The following PLBD1 variants were observed in gnomAD, a reference collection of about 807,000 sequenced individuals.
PLBD1 encodes the protein phospholipase B domain containing 1, also known as lysosomal leucine aminopeptidase.
Under a neutral mutation model 63.0 loss-of-function variants are expected in PLBD1, and 60 were observed. The observed-to-expected ratio is 0.95, with a 90% CI of 0.77 to 1.18. The LOEUF is 1.18. Ranked by LOEUF, PLBD1 falls within the 50% of genes most tolerant of loss-of-function variation. The probability of loss-of-function intolerance (pLI) is 0.00; values close to 1 mark genes in which losing one functional copy is unlikely to be tolerated. For synonymous variants in PLBD1, 262 were observed against 248.0 expected (o/e 1.06, Z -0.53); for missense variants, 598 against 677.9 (o/e 0.88, Z 1.31).
chr12:14,543,517 G>T (rs970453150), intron 2 of PLBD1, among the ~76,000 whole-genome samples: 1 of 152,158 alleles, frequency 6.6e-6, no homozygotes, highest in Admixed American at 6.5e-5. Flanking sequence ...AGGAGTTTGA[G>T]AACAGCCTGG....
At chr12:14,535,988 T>C in intron 5 of PLBD1, 185 bp from the exon 6 acceptor site, 1 of 555,878 alleles carries the variant, frequency 1.8e-6, no homozygotes, top group Non-Finnish European at 3.0e-6. Flanking sequence ...AGACTCTTCC[T>C]TCTAACATTC....
intron 2 of PLBD1, among the ~76,000 whole-genome samples, chr12:14,545,377 C>A (rs1592006388): frequency 6.6e-6 from 1 of 152,360 alleles, no homozygotes; most frequent in East Asian, 1.9e-4. Flanking sequence ...AGGCCAAGGG[C>A]CAGCAGATCC....
chr12:14,551,070 C>G (rs9788034), intron 2 of PLBD1, among the ~76,000 whole-genome samples: 138,322 of 151,748 alleles, frequency 0.91, 63,946 homozygotes, highest in East Asian at 0.99. Flanking sequence ...AATAAAATTT[C>G]TGCTTTAATA....
At chr12:14,559,620 T>C (rs559913833) in intron 1 of PLBD1, among the ~76,000 whole-genome samples, 1 of 152,046 alleles carries the variant, frequency 6.6e-6, no homozygotes, top group East Asian at 1.9e-4. Context: ...TTCTTTAGAG[T>C]TGTGAAAAGG....
intron 6 of PLBD1, among the ~76,000 whole-genome samples, chr12:14,513,260 A>G (rs775874638): frequency 2.6e-5 from 4 of 152,196 alleles, no homozygotes; most frequent in Non-Finnish European, 5.9e-5. Context: ...TCAATGGCTA[A>G]ATCAAGCTAT....
At chr12:14,540,053 T>TATACACACACAC (rs1555147116) in intron 4 of PLBD1, among the ~76,000 whole-genome samples, 13 of 87,342 alleles carry the variant, frequency 1.5e-4, no homozygotes, top group South Asian at 7.3e-4. Context: ...TATATATATA[T>TATACACACACAC]ACACACACAC....
At chr12:14,510,999 A>G (rs559659396) in intron 8 of PLBD1, among the ~76,000 whole-genome samples, 145 of 152,326 alleles carry the variant, frequency 9.5e-4, no homozygotes, top group African/African-American at 3.2e-3. Flanking sequence ...ACAGGAGAAA[A>G]GGTAACATTA....
At chr12:14,544,232 G>A (rs1193393065) in intron 2 of PLBD1, among the ~76,000 whole-genome samples, 3 of 152,168 alleles carry the variant, frequency 2.0e-5, no homozygotes, top group Non-Finnish European at 4.4e-5. Context: ...GGAGGGCTGC[G>A]GTGCGATCTT....
chr12:14,517,647 G>T (rs1483782286), intron 6 of PLBD1, among the ~76,000 whole-genome samples: 1 of 152,134 alleles, frequency 6.6e-6, no homozygotes, highest in Admixed American at 6.5e-5. Flanking sequence ...CCTCCTTGAG[G>T]CTTTTTATGG....
At chr12:14,535,557 C>A (rs1945505922) in intron 6 of PLBD1, 102 bp downstream of exon 6, 1 of 1,262,212 alleles carries the variant, frequency 7.9e-7, no homozygotes, top group Non-Finnish European at 1.1e-6. Context: ...TATATACTAA[C>A]CATTAAACAT....
chr12:14,506,514 C>A (rs1473023331), intron 9 of PLBD1, among the ~76,000 whole-genome samples: 1 of 152,132 alleles, frequency 6.6e-6, no homozygotes, highest in African/African-American at 2.4e-5. Context: ...GGAAAGAGAA[C>A]CAGATAAACG....
chr12:14,522,599 C>T (rs1945385137), intron 6 of PLBD1, among the ~76,000 whole-genome samples: 1 of 151,900 alleles, frequency 6.6e-6, no homozygotes, highest in Non-Finnish European at 1.5e-5. Flanking sequence ...AACCTAGATA[C>T]AAAACTCCTC....
chr12:14,553,231 CATG>C lies in PLBD1; in HGVS notation c.294_296del (p.Ile98del). 1.2e-6 allele frequency: 2 copies of C among 1,613,930 alleles called. No homozygotes were observed. Among genetic ancestry groups the C allele is most frequent in the Non-Finnish European group, 1.7e-6 (2 of 1,179,962 alleles). ...AACCCTCCAAAAAGCCAGCCACAAA[CATG>C]ATGATCTCATTGCTCAGGGTTTGAG... On this transcript the variant is annotated inframe_deletion, in exon 2 of 11. Transcript: ENST00000240617.
At chr12:14,512,229 A>G (rs1158294795) in intron 6 of PLBD1, among the ~76,000 whole-genome samples, 1 of 151,572 alleles carries the variant, frequency 6.6e-6, no homozygotes, top group Non-Finnish European at 1.5e-5. Flanking sequence ...AGCTCACTGC[A>G]ACCTTGCCTC....
intron 1 of PLBD1, among the ~76,000 whole-genome samples, chr12:14,559,023 C>A (rs1286318461): frequency 6.6e-5 from 10 of 152,208 alleles, no homozygotes; most frequent in Non-Finnish European, 1.2e-4. Flanking sequence ...TAAGTTTCAA[C>A]TCTTCCTGGT....
chr12:14,566,375 A>T (rs775431399), intron 1 of PLBD1, among the ~76,000 whole-genome samples: 39 of 152,192 alleles, frequency 2.6e-4, no homozygotes, highest in Non-Finnish European at 5.0e-4. Flanking sequence ...GTGTAATAAG[A>T]ATCAGTACAC....
intron 6 of PLBD1, among the ~76,000 whole-genome samples, chr12:14,523,508 C>G (rs759176168): frequency 7.9e-5 from 12 of 152,016 alleles, no homozygotes; most frequent in Non-Finnish European, 1.8e-4. Context: ...CTCAAAAGAC[C>G]CCAAATAGTC....
At chr12:14,562,703 C>T (rs1945750822) in intron 1 of PLBD1, among the ~76,000 whole-genome samples, 1 of 152,118 alleles carries the variant, frequency 6.6e-6, no homozygotes, top group South Asian at 2.1e-4. Flanking sequence ...ATAAACTAGA[C>T]TCCATTCCAT....
At chr12:14,540,013 CATATATATATATATATATATATATAT>C (rs58124579) in intron 4 of PLBD1, among the ~76,000 whole-genome samples, 724 of 22,734 alleles carry the variant, frequency 0.032, 19 homozygotes, top group Non-Finnish European at 0.058. Flanking sequence ...AAGCTATGCA[CATATATATATATATATATATATATAT>C]ATATATATAT....
Sources: gnomAD v4.1 joint callset for allele counts (sites outside exome capture counted in the v4.1 genomes callset) on GRCh38, gnomAD v4.1.1 for gene constraint, MANE v1.5 for transcripts, NCBI Gene and HGNC (gene_info 2026-07-23, HGNC 2026-07-21) for gene names.